Variants in LMOD2 observed in about 807,000 individuals in gnomAD.
The protein encoded by LMOD2 is leiomodin-2.
Under a neutral mutation model 41.7 loss-of-function variants are expected in LMOD2, and 27 were observed. The ratio of observed to expected loss-of-function variants is 0.65; its 90% CI spans 0.48 to 0.89. The LOEUF (loss-of-function observed/expected upper bound fraction) is 0.89. Ranked by LOEUF, LMOD2 falls within the 40% of genes least tolerant of loss-of-function variation. LMOD2 has a pLI of 0.00. For missense variants in LMOD2, 624 were observed against 667.9 expected (o/e 0.93, Z 0.72); for synonymous variants, 251 against 244.6 (o/e 1.03, Z -0.25).
chr7:123,659,253 C>G (rs1008892612), intron 1 of LMOD2, among the ~76,000 whole-genome samples: 2 of 152,180 alleles, frequency 1.3e-5, no homozygotes, highest in African/African-American at 4.8e-5. Context: ...TATTCTATAC[C>G]CTCCTTCCCA....
At chr7:123,658,025 C>T (rs1802817332) in intron 1 of LMOD2, among the ~76,000 whole-genome samples, 1 of 147,358 alleles carries the variant, frequency 6.8e-6, no homozygotes, top group Non-Finnish European at 1.5e-5. Flanking sequence ...ATAAAACTGT[C>T]TCAGAATATC....
intron 1 of LMOD2, among the ~76,000 whole-genome samples, chr7:123,659,736 T>G (rs2116734632): frequency 6.6e-6 from 1 of 152,254 alleles, no homozygotes; most frequent in African/African-American, 2.4e-5. Context: ...CAAAATAAAG[T>G]GCGACAGGTA....
chr7:123,660,788 G>A, intron 1 of LMOD2, among the ~76,000 whole-genome samples: 1 of 151,828 alleles, frequency 6.6e-6, no homozygotes, highest in East Asian at 1.9e-4. Context: ...GGGGTCACTT[G>A]AGCGTCTTTG....
chr7:123,663,375 C>G, intron 2 of LMOD2, 172 bp downstream of exon 2: 1 of 844,558 alleles, frequency 1.2e-6, no homozygotes, highest in Non-Finnish European at 1.8e-6. Flanking sequence ...CACAAGTGAG[C>G]ACATTTCTAT....
chr7:123,656,231 G>A lies in LMOD2; in HGVS notation c.268G>A (p.Gly90Arg). The change falls in exon 1 of 3, where the codon GGA (glycine) becomes AGA (arginine). Residue 90 changes from glycine to arginine, a missense_variant. Transcript: ENST00000458573. ...LLEKERLGEC[G>R]KVAEDKEESE... is the part of the protein sequence containing the mutation. Reference sequence around the variant, plus strand: ...GGAGAAGGAGAGGCTGGGGGAATGTGGAAAGGTAGGCTCTCGGGACTTTTC... The same window carrying A: ...GGAGAAGGAGAGGCTGGGGGAATGTAGAAAGGTAGGCTCTCGGGACTTTTC... 1.9e-6 allele frequency: 3 copies of A among 1,604,780 alleles called. No individual in the cohort carries two copies. The highest frequency in any genetic ancestry group is 2.6e-6 in the Non-Finnish European group (3 of 1,175,928).
In LMOD2 at chr7:123,663,023, G is replaced by C. The variant is rs78874923; in HGVS notation, c.1437G>C (p.Lys479Asn). 3.4e-5 allele frequency: 52 copies of C among 1,549,972 alleles called. No homozygotes were observed. In the East Asian group the frequency reaches 1.3e-3, roughly 38 times the overall value. The stretch of plus-strand genomic sequence containing the variant: ...GGGCATTACAAAATGGACAAAAAAA[G>C]AAAAAAGGGAAAAAGGTCAAGAAAC... Reference protein sequence around the residue: ...AQRALQNGQKKKKGKKVKKQP... With the variant: ...AQRALQNGQKNKKGKKVKKQP... Residue 479 changes from lysine (K) to asparagine (N), a missense_variant, in exon 2 of 3, where the codon AAG becomes AAC. Physicochemically the swap from Lys to Asn is moderately conservative, Grantham distance 94. Coordinates refer to ENST00000458573, the MANE Select transcript of LMOD2 (RefSeq NM_207163.3).
rs745770340 is a variant in LMOD2, at chr7:123,662,879, C to G, written c.1293C>G (p.Pro431=). ...PPPPPPPPPP[P]PPSSQRLPPP... Reference sequence around the variant, plus strand: ...CTCCTCCCCCTCCTCCTCCTCCTCCCCCTCCTTCTTCCCAAAGGCTGCCAC... The same window carrying G: ...CTCCTCCCCCTCCTCCTCCTCCTCCGCCTCCTTCTTCCCAAAGGCTGCCAC... The change falls in exon 2 of 3, where the codon CCC becomes CCG. Residue 431 remains proline, a synonymous_variant. Transcript: ENST00000458573. This position sits in a 1 kb window ranked among gnomAD's most constrained non-coding sequence, Gnocchi z 4.0. 2 of 1,545,182 alleles carry G rather than the reference C, an allele frequency of 1.3e-6. No homozygotes were observed. The highest frequency in any genetic ancestry group is 1.8e-6 in the Non-Finnish European group (2 of 1,142,184).
In LMOD2 at chr7:123,662,127, G is replaced by A. The variant is rs1802885784; in HGVS notation, c.541G>A (p.Gly181Arg). The change falls in exon 2 of 3, where the codon GGG becomes AGG. Residue 181 changes from glycine (G) to arginine (R), a missense_variant. By Grantham distance (125) the Gly-to-Arg change is moderately radical. Transcript: ENST00000458573. The surrounding 1 kb of genome is among the most constrained non-coding windows in gnomAD (Gnocchi z 4.0). ...CATAAATTTGACCAATGGCAGCAAT[G>A]GGAGGAACACAGAGTCCCCAGCTGC... Reference protein sequence around the residue: ...ENINLTNGSNGRNTESPAAIH... With the variant: ...ENINLTNGSNRRNTESPAAIH... 1.2e-6 allele frequency: 2 copies of A among 1,613,234 alleles called. No homozygotes were observed. The highest frequency in any genetic ancestry group is 1.3e-5 in the African/African-American group (1 of 75,052).
chr7:123,656,744 A>G (rs1215299365), intron 1 of LMOD2, among the ~76,000 whole-genome samples: 4 of 152,174 alleles, frequency 2.6e-5, no homozygotes, highest in African/African-American at 9.7e-5. Context: ...TGGGAAGTAC[A>G]TGACACTGAG....
At position 123,662,248 on chromosome 7, in the gene LMOD2, T is replaced by C. The variant is rs75417639; in HGVS notation, c.662T>C (p.Ile221Thr). The C allele has an allele frequency of 2.5e-3, 4,111 of 1,613,922 alleles. 7 individuals are homozygous for C. The highest frequency in any genetic ancestry group is 3.2e-3 in the Non-Finnish European group (3,730 of 1,179,872). ...PDTTEVNLNN[I>T]ENITTQTLTR... ...ACCACAGAAGTCAATTTGAACAACA[T>C]TGAGAACATCACAACACAGACCCTT... Residue 221 changes from isoleucine to threonine, a missense_variant, in exon 2 of 3, where the codon ATT becomes ACT. Coordinates refer to ENST00000458573, the MANE Select transcript of LMOD2 (RefSeq NM_207163.3). This position sits in a 1 kb window ranked among gnomAD's most constrained non-coding sequence, Gnocchi z 4.0.
intron 2 of LMOD2, 120 bp from the exon 3 acceptor site, chr7:123,663,599 C>A: frequency 1.3e-6 from 1 of 785,356 alleles, no homozygotes; most frequent in Non-Finnish European, 2.1e-6. Context: ...AAAAAAATTA[C>A]CATGCAGCAA....
chr7:123,657,777 C>T (rs901145849), intron 1 of LMOD2, among the ~76,000 whole-genome samples: 1 of 144,166 alleles, frequency 6.9e-6, no homozygotes, highest in Non-Finnish European at 1.5e-5. Flanking sequence ...GAGTTCAAAT[C>T]CAGCTCTGGC....
intron 1 of LMOD2, among the ~76,000 whole-genome samples, chr7:123,658,552 T>G (rs1365685382): frequency 6.6e-6 from 1 of 152,242 alleles, no homozygotes; most frequent in East Asian, 1.9e-4. Context: ...CACAAACTTA[T>G]GCCGCATTGG....
chr7:123,659,543 A>T (rs1363823249), intron 1 of LMOD2, among the ~76,000 whole-genome samples: 1 of 152,194 alleles, frequency 6.6e-6, no homozygotes, highest in East Asian at 1.9e-4. Context: ...GGGAGGGTTT[A>T]TCACCTTTCT....
At chr7:123,657,004 T>C (rs181517783) in intron 1 of LMOD2, among the ~76,000 whole-genome samples, 24 of 152,344 alleles carry the variant, frequency 1.6e-4, no homozygotes, top group South Asian at 4.1e-4. Context: ...GAAACCCATC[T>C]GAGGACTCAG....
At chr7:123,659,346 G>A (rs999101614) in intron 1 of LMOD2, among the ~76,000 whole-genome samples, 2 of 152,186 alleles carry the variant, frequency 1.3e-5, no homozygotes, top group African/African-American at 4.8e-5. Context: ...CCTAGGGACA[G>A]AGTATTTTAT....
intron 1 of LMOD2, among the ~76,000 whole-genome samples, chr7:123,657,418 T>G (rs1219957520): frequency 6.6e-6 from 1 of 152,122 alleles, no homozygotes; most frequent in Non-Finnish European, 1.5e-5. Context: ...TGGCCACAAT[T>G]GCAGCAAGAT....
rs1442335283 is a variant in LMOD2 at position 123,662,921 on chromosome 7, C to A, written c.1335C>A (p.Pro445=). 4.5e-6 allele frequency: 7 copies of A among 1,553,204 alleles called. No individual in the cohort carries two copies. The African/African-American group carries it at 9.6e-5, about 21-fold the overall frequency. The change falls in exon 2 of 3, where the codon CCC becomes CCA. Residue 445 remains proline, a synonymous_variant. Coordinates refer to ENST00000458573, the MANE Select transcript of LMOD2 (RefSeq NM_207163.3). This position sits in a 1 kb window ranked among gnomAD's most constrained non-coding sequence, Gnocchi z 4.0. Reference sequence around the variant, plus strand: ...GGCTGCCACCACCTCCTCCTCCTCCCCCTCCTCCACTCCCAGAGAAAAAGC... The same window carrying A: ...GGCTGCCACCACCTCCTCCTCCTCCACCTCCTCCACTCCCAGAGAAAAAGC... ...SQRLPPPPPP[P]PPPLPEKKLI...
intron 1 of LMOD2, among the ~76,000 whole-genome samples, chr7:123,657,456 T>C (rs1429243199): frequency 6.6e-6 from 1 of 152,112 alleles, no homozygotes; most frequent in Non-Finnish European, 1.5e-5. Context: ...ACGTCAATCA[T>C]TGCAGGAAGG....
Sources: gnomAD v4.1 joint callset for allele counts (sites outside exome capture counted in the v4.1 genomes callset) on GRCh38, gnomAD v4.1.1 for gene constraint, Gnocchi (gnomAD v3.1) non-coding constraint, MANE v1.5 for transcripts, NCBI Gene and HGNC (gene_info 2026-07-23, HGNC 2026-07-21) for gene names.